The following CYB5A variants were observed in gnomAD, a reference collection of about 807,000 sequenced individuals.
CYB5A encodes the protein cytochrome b5.
In CYB5A, 10 loss-of-function variants were observed where a neutral mutation model predicts 16.2. The ratio of observed to expected loss-of-function variants is 0.62; its 90% CI spans 0.38 to 1.04. CYB5A has a LOEUF of 1.04. Among genes scored for constraint, CYB5A ranks in the 50% least tolerant of loss-of-function variants. The probability of loss-of-function intolerance (pLI) is 0.01; values close to 1 mark genes in which losing one functional copy is unlikely to be tolerated. For synonymous variants in CYB5A, 62 were observed against 57.0 expected, an observed-to-expected ratio of 1.09 and a Z score of -0.40; for missense variants, 161 against 165.9, an observed-to-expected ratio of 0.97 and a Z score of 0.16.
At chr18:74,262,001 A>G (rs543940695) in intron 2 of CYB5A, among the ~76,000 whole-genome samples, 30 of 152,210 alleles carry the variant, frequency 2.0e-4, no homozygotes, top group Non-Finnish European at 4.4e-5. Flanking sequence ...GTGCGGCCCC[A>G]GGATCCACTC....
chr18:74,272,493 A>C (rs757633853), intron 1 of CYB5A, among the ~76,000 whole-genome samples: 1 of 152,222 alleles, frequency 6.6e-6, no homozygotes. Context: ...CGTGGTACCA[A>C]TTATCTATTT....
chr18:74,267,118 C>G (rs775116938), intron 1 of CYB5A, among the ~76,000 whole-genome samples: 3 of 151,786 alleles, frequency 2.0e-5, no homozygotes, highest in Non-Finnish European at 2.9e-5. Flanking sequence ...TCTTCTCACT[C>G]TTGTTAGTAA....
intron 1 of CYB5A, among the ~76,000 whole-genome samples, chr18:74,274,195 C>A (rs540314148): frequency 1.3e-5 from 2 of 152,290 alleles, no homozygotes; most frequent in East Asian, 3.9e-4. Flanking sequence ...AAAATAAGTA[C>A]AATCAATAAA....
At chr18:74,275,120 C>T (rs1982816502) in intron 1 of CYB5A, among the ~76,000 whole-genome samples, 1 of 152,180 alleles carries the variant, frequency 6.6e-6, no homozygotes, top group Non-Finnish European at 1.5e-5. Flanking sequence ...AGCGTCAACA[C>T]CTGTGCAGCA....
Position 74,256,583 on chromosome 18 carries a change from T to C in CYB5A, c.289-808A>G, listed in dbSNP as rs1981991339. 7 of 510,834 alleles carry C rather than the reference T, an allele frequency of 1.4e-5. No homozygotes were observed. In the South Asian group the frequency reaches 2.5e-4, roughly 18 times the overall value. 31.6% of individuals were successfully genotyped at this position (510,834 alleles called of 1,614,324 possible). ...ATATCAACTTTTTGGGGCTTGAAAA[T>C]GGGTTAAGAAGCATTCTTTTGATGT... On this transcript the variant is annotated intron_variant, in intron 3 of 4. Transcript: ENST00000340533.
chr18:74,273,827 C>T (rs80045397), intron 1 of CYB5A, among the ~76,000 whole-genome samples: 1,567 of 152,280 alleles, frequency 0.01, 25 homozygotes, highest in African/African-American at 0.035. Flanking sequence ...ATAAGAACCT[C>T]GCTGAGAAGA....
intron 1 of CYB5A, among the ~76,000 whole-genome samples, chr18:74,273,582 G>A (rs1982753640): frequency 1.3e-5 from 2 of 152,208 alleles, no homozygotes; most frequent in African/African-American, 4.8e-5. Context: ...AAGGCTGATG[G>A]CCAACACAGA....
chr18:74,282,529 A>AGGCG (rs1052236465), intron 1 of CYB5A, among the ~76,000 whole-genome samples: 1 of 152,236 alleles, frequency 6.6e-6, no homozygotes, highest in Non-Finnish European at 1.5e-5. Flanking sequence ...GGTGCACAGC[A>AGGCG]GGCGGGCAGG....
intron 1 of CYB5A, among the ~76,000 whole-genome samples, chr18:74,281,884 T>C (rs866271317): frequency 1.4e-4 from 21 of 151,346 alleles, no homozygotes; most frequent in African/African-American, 5.1e-4. Flanking sequence ...CTGATGAGAA[T>C]AACCCAGCAG....
chr18:74,285,843 C>CAA (rs58176740), intron 1 of CYB5A, among the ~76,000 whole-genome samples: 40 of 70,774 alleles, frequency 5.7e-4, no homozygotes, highest in Middle Eastern at 9.6e-3. Context: ...GACCCCATCT[C>CAA]AAAAAAAAAA....
At chr18:74,254,143 G>T (rs1981873259) in intron 4 of CYB5A, among the ~76,000 whole-genome samples, 2 of 152,190 alleles carry the variant, frequency 1.3e-5, no homozygotes, top group African/African-American at 4.8e-5. Context: ...TCACGCCACT[G>T]CACTCCAGCC....
chr18:74,283,788 G>C (rs754763361), intron 1 of CYB5A, among the ~76,000 whole-genome samples: 1 of 152,148 alleles, frequency 6.6e-6, no homozygotes, highest in Non-Finnish European at 1.5e-5. Context: ...ACACTGGGTC[G>C]CAGCGCCCGC....
intron 1 of CYB5A, among the ~76,000 whole-genome samples, chr18:74,280,172 A>G (rs1391778166): frequency 6.6e-6 from 1 of 152,160 alleles, no homozygotes; most frequent in Non-Finnish European, 1.5e-5. Context: ...ACCATATGTT[A>G]TTTGGGGGGA....
chr18:74,280,389 G>A (rs1016970160), intron 1 of CYB5A, among the ~76,000 whole-genome samples: 11 of 150,528 alleles, frequency 7.3e-5, no homozygotes, highest in Middle Eastern at 3.4e-3. Flanking sequence ...TGGGCAACAC[G>A]GCAAAACCCT....
chr18:74,276,080 C>T (rs1982863964), intron 1 of CYB5A, among the ~76,000 whole-genome samples: 1 of 152,190 alleles, frequency 6.6e-6, no homozygotes, highest in African/African-American at 2.4e-5. Flanking sequence ...CCTCCACCTC[C>T]TCTGTGAGCC....
At chr18:74,275,278 C>T (rs558009726) in intron 1 of CYB5A, among the ~76,000 whole-genome samples, 20 of 152,264 alleles carry the variant, frequency 1.3e-4, no homozygotes, top group African/African-American at 4.8e-4. Flanking sequence ...AGATACTTCC[C>T]AGCCTCCTTG....
intron 1 of CYB5A, among the ~76,000 whole-genome samples, chr18:74,270,900 CTG>C (rs1482836522): frequency 2.0e-5 from 3 of 152,196 alleles, no homozygotes; most frequent in African/African-American, 7.2e-5. Context: ...TCGTTCATCA[CTG>C]TTTCTCTAAC....
chr18:74,287,976 T>C (rs1029722758), intron 1 of CYB5A, among the ~76,000 whole-genome samples: 4 of 152,118 alleles, frequency 2.6e-5, no homozygotes, highest in African/African-American at 7.2e-5. Flanking sequence ...TTCACAAATA[T>C]AAACTCAAAA....
chr18:74,253,623 G>T lies in CYB5A; in HGVS notation c.366C>A (p.Ala122=). The T allele has an allele frequency of 6.2e-7, 1 of 1,613,398 alleles. No individual in the cohort carries two copies. Among genetic ancestry groups the T allele is most frequent in the South Asian group, 1.1e-5 (1 of 91,064 alleles). The change falls in exon 5 of 5, where the codon GCC becomes GCA. Residue 122 remains alanine (A), a synonymous_variant. Transcript: ENST00000340533. ...TGTATAGGCGATACATCAAGGCGAC[G>T]GCCACTGCAGAGATGGCAGGGATCA... is the stretch of plus-strand genomic sequence containing the variant. ...NWVIPAISAV[A]VALMYRLYMA...
Sources: gnomAD v4.1 joint callset for allele counts (sites outside exome capture counted in the v4.1 genomes callset) on GRCh38, gnomAD v4.1.1 for gene constraint, MANE v1.5 for transcripts, NCBI Gene and HGNC (gene_info 2026-07-23, HGNC 2026-07-21) for gene names.